NELL1: variants seen among roughly 807,000 people sequenced by gnomAD.
NELL1 encodes the protein protein kinase C-binding protein NELL1.
Under a neutral mutation model 107.4 loss-of-function variants are expected in NELL1, and 76 were observed. The ratio of observed to expected loss-of-function variants is 0.71; its 90% CI spans 0.59 to 0.86. The LOEUF (loss-of-function observed/expected upper bound fraction) is 0.86. Ranked by LOEUF, NELL1 falls within the 40% of genes least tolerant of loss-of-function variation. The pLI, the probability that NELL1 is intolerant of heterozygous loss-of-function variation, is 0.00. For missense variants in NELL1, 1,024 were observed against 1,005.5 expected (o/e 1.02, Z -0.25); for synonymous variants, 353 against 341.2 (o/e 1.03, Z -0.38).
rs143344399 is a variant in NELL1, at chr11:20,898,315, C to T, written c.603+12775C>T. 4.8e-3 allele frequency among the ~76,000 whole-genome samples: 727 copies of T among 151,934 alleles called. 3 individuals are homozygous for T. The highest frequency in any genetic ancestry group is 0.016 in the African/African-American group (661 of 41,394). ...AACCATCATTCTCAGTAAACTATTG[C>T]GAGGACAAAAAACCAAACACTGCAT... On this transcript the variant is annotated intron_variant, in intron 5 of 19. Coordinates refer to ENST00000357134, the MANE Select transcript of NELL1 (RefSeq NM_006157.5).
At chr11:20,838,727 TTTC>T (rs1243319974) in intron 3 of NELL1, among the ~76,000 whole-genome samples, 2 of 152,170 alleles carry the variant, frequency 1.3e-5, no homozygotes, top group Admixed American at 6.5e-5. Context: ...AACAATAATA[TTTC>T]TTCTTTAAGC....
At chr11:20,863,927 G>A (rs1219768799) in intron 4 of NELL1, among the ~76,000 whole-genome samples, 1 of 152,198 alleles carries the variant, frequency 6.6e-6, no homozygotes, top group Non-Finnish European at 1.5e-5. Context: ...CCAACACAGT[G>A]AAACCCCGTC....
chr11:20,783,657 C>A, intron 2 of NELL1, 23 bp from the exon 3 acceptor site: 1 of 1,599,372 alleles, frequency 6.3e-7, no homozygotes, highest in Non-Finnish European at 8.5e-7. Context: ...CTGTTTCCTC[C>A]TGCTTTTCTT....
rs192369266 is a variant in NELL1, at chr11:21,230,435, G to C, written c.1549+981G>C. Among the ~76,000 whole-genome samples, 19 of 152,286 alleles carry C rather than the reference G, an allele frequency of 1.2e-4. No homozygotes were observed. In the East Asian group the frequency reaches 1.9e-3, roughly 15 times the overall value. On this transcript the variant is annotated intron_variant, in intron 14 of 19. Transcript: ENST00000357134. ...AGAGTGTGACTTGCACACGGTAGGT[G>C]CTTGTTCACTATGTGTTAATTCACC...
chr11:20,746,353 C>A (rs1310353101), intron 2 of NELL1, among the ~76,000 whole-genome samples: 1 of 152,164 alleles, frequency 6.6e-6, no homozygotes, highest in African/African-American at 2.4e-5. Context: ...TGGAGTCAGA[C>A]AGATTTGGGT....
chr11:21,335,268 T>C (rs1850365717), intron 14 of NELL1, among the ~76,000 whole-genome samples: 1 of 152,036 alleles, frequency 6.6e-6, no homozygotes, highest in Non-Finnish European at 1.5e-5. Context: ...TTTTTGCAGT[T>C]ACATCAAGAG....
intron 13 of NELL1, among the ~76,000 whole-genome samples, chr11:21,146,391 T>C (rs2133778943): frequency 6.6e-6 from 1 of 152,092 alleles, no homozygotes; most frequent in Non-Finnish European, 1.5e-5. Context: ...TCTGAAAGGA[T>C]GAGGGGAAGA....
At chr11:21,440,322 C>T (rs184218153) in intron 15 of NELL1, among the ~76,000 whole-genome samples, 113 of 150,474 alleles carry the variant, frequency 7.5e-4, no homozygotes, top group Non-Finnish European at 1.3e-3. Context: ...TTTTTGATGA[C>T]TTAGGGTCAG....
At chr11:21,256,909 T>A (rs2133917486) in intron 14 of NELL1, among the ~76,000 whole-genome samples, 1 of 152,102 alleles carries the variant, frequency 6.6e-6, no homozygotes, top group Admixed American at 6.6e-5. Flanking sequence ...TTCATTCAAG[T>A]GAAGTGGGTT....
rs187701180 is a variant in NELL1 at position 20,759,152 on chromosome 11, C to T, written c.185-24528C>T. Among the ~76,000 whole-genome samples the T allele has an allele frequency of 1.3e-3, 202 of 152,316 alleles. 1 individual carries two copies. Among genetic ancestry groups the T allele is most frequent in the African/African-American group, 4.8e-3 (198 of 41,576 alleles). On this transcript the variant is annotated intron_variant, in intron 2 of 19. Transcript: ENST00000357134. ...TCTGTCTTCCTCTACTTTCCTCTTGCTTTTATCTAAATGTATCTCCATTGC... is the reference window on the plus strand; with the variant it reads ...TCTGTCTTCCTCTACTTTCCTCTTGTTTTTATCTAAATGTATCTCCATTGC...
intron 10 of NELL1, among the ~76,000 whole-genome samples, chr11:20,938,916 C>CTCTCTCTCTG (rs1850784868): frequency 2.1e-5 from 2 of 93,356 alleles, no homozygotes; most frequent in African/African-American, 9.1e-5. Context: ...CTGTCTCTCT[C>CTCTCTCTCTG]TCTCTCTCTC....
intron 13 of NELL1, among the ~76,000 whole-genome samples, chr11:21,164,709 G>GTCT (rs939077931): frequency 2.0e-5 from 3 of 152,176 alleles, no homozygotes; most frequent in Non-Finnish European, 4.4e-5. Flanking sequence ...AGCACCCAGA[G>GTCT]TCTTCTCCTG....
chr11:21,391,776 A>G (rs1237222128), intron 15 of NELL1, among the ~76,000 whole-genome samples: 1 of 151,388 alleles, frequency 6.6e-6, no homozygotes, highest in African/African-American at 2.4e-5. Flanking sequence ...CTGGGACTAC[A>G]TACAGGTGCA....
At chr11:21,513,751 G>A (rs1036374034) in intron 15 of NELL1, among the ~76,000 whole-genome samples, 9 of 152,240 alleles carry the variant, frequency 5.9e-5, no homozygotes, top group South Asian at 2.1e-4. Context: ...GAGATATAGC[G>A]ATTATTTCTC....
intron 15 of NELL1, among the ~76,000 whole-genome samples, chr11:21,398,827 C>T (rs767464590): frequency 9.9e-5 from 15 of 151,716 alleles, no homozygotes; most frequent in Non-Finnish European, 1.6e-4. Flanking sequence ...TCCATTCCTG[C>T]CTCATGTGGC....
intron 13 of NELL1, among the ~76,000 whole-genome samples, chr11:21,145,730 A>T (rs1305039137): frequency 1.3e-5 from 2 of 152,184 alleles, no homozygotes; most frequent in Admixed American, 1.3e-4. Context: ...TTTATAGTGA[A>T]ACCTGCCCTC....
At chr11:21,190,574 T>C (rs1338289652) in intron 13 of NELL1, among the ~76,000 whole-genome samples, 1 of 151,674 alleles carries the variant, frequency 6.6e-6, no homozygotes, top group Non-Finnish European at 1.5e-5. Flanking sequence ...CTTGAGAATT[T>C]CCTAGCATGT....
At chr11:20,818,607 A>C (rs1246882220) in intron 3 of NELL1, among the ~76,000 whole-genome samples, 1 of 152,034 alleles carries the variant, frequency 6.6e-6, no homozygotes, top group Non-Finnish European at 1.5e-5. Context: ...CTCATCTCTT[A>C]CCTTTAGTAT....
intron 13 of NELL1, among the ~76,000 whole-genome samples, chr11:21,152,564 T>C (rs1027835992): frequency 6.6e-6 from 1 of 152,162 alleles, no homozygotes; most frequent in East Asian, 1.9e-4. Context: ...CCTATAATAA[T>C]GTTGACCTTG....
Sources: allele counts gnomAD v4.1 joint callset (sites outside exome capture counted in the v4.1 genomes callset), GRCh38; gene constraint gnomAD v4.1.1; transcripts MANE v1.5; gene names NCBI Gene and HGNC (gene_info 2026-07-23, HGNC 2026-07-21).